The following NELL1 variants were observed in gnomAD, a reference collection of about 807,000 sequenced individuals.
The protein encoded by NELL1 is neural EGFL like 1.
NELL1 carries 76 observed loss-of-function variants against 107.4 expected under a neutral mutation model. That is an observed-to-expected ratio of 0.71 (90% CI 0.59 to 0.86). The LOEUF (loss-of-function observed/expected upper bound fraction) is 0.86. Ranked by LOEUF, NELL1 falls within the 40% of genes least tolerant of loss-of-function variation. The pLI, the probability that NELL1 is intolerant of heterozygous loss-of-function variation, is 0.00. For missense variants in NELL1, 1,024 were observed against 1,005.5 expected (o/e 1.02, Z -0.25); for synonymous variants, 353 against 341.2 (o/e 1.03, Z -0.38).
At chr11:21,517,756 T>A (rs1292716206) in intron 15 of NELL1, among the ~76,000 whole-genome samples, 2 of 152,144 alleles carry the variant, frequency 1.3e-5, no homozygotes, top group Non-Finnish European at 2.9e-5. Flanking sequence ...ATCCTTTAAG[T>A]CATTTCTGAT....
intron 5 of NELL1, among the ~76,000 whole-genome samples, chr11:20,903,980 T>C (rs1272139472): frequency 6.6e-6 from 1 of 152,166 alleles, no homozygotes; most frequent in Non-Finnish European, 1.5e-5. Flanking sequence ...TTTCAGCCCA[T>C]GTTCCTAGTG....
chr11:21,442,478 G>T (rs892382623), intron 15 of NELL1, among the ~76,000 whole-genome samples: 1 of 152,130 alleles, frequency 6.6e-6, no homozygotes, highest in Non-Finnish European at 1.5e-5. Context: ...TCAGCAGGAA[G>T]GAAGCCAGAC....
chr11:20,694,631 T>C (rs1264283351), intron 2 of NELL1, among the ~76,000 whole-genome samples: 1 of 152,114 alleles, frequency 6.6e-6, no homozygotes, highest in Non-Finnish European at 1.5e-5. Flanking sequence ...TATGTGCTTG[T>C]TTTTGTACTA....
chr11:21,566,036 A>G (rs1367318834), intron 17 of NELL1, among the ~76,000 whole-genome samples: 2 of 151,934 alleles, frequency 1.3e-5, no homozygotes, highest in South Asian at 2.1e-4. Context: ...TAAATATTTC[A>G]TGTTTTGTAG....
At chr11:21,381,683 C>A (rs1851611041) in intron 15 of NELL1, among the ~76,000 whole-genome samples, 1 of 151,904 alleles carries the variant, frequency 6.6e-6, no homozygotes, top group Non-Finnish European at 1.5e-5. Context: ...ATTCTTCTAT[C>A]AGTTCTTACA....
intron 15 of NELL1, among the ~76,000 whole-genome samples, chr11:21,526,577 T>A (rs1255526715): frequency 6.6e-6 from 1 of 152,216 alleles, no homozygotes; most frequent in Non-Finnish European, 1.5e-5. Context: ...GCTCTGCCCC[T>A]GTAGCAAATT....
intron 15 of NELL1, among the ~76,000 whole-genome samples, chr11:21,436,468 T>C (rs1853123951): frequency 6.6e-6 from 1 of 152,212 alleles, no homozygotes; most frequent in Admixed American, 6.5e-5. Context: ...TCATTTGTTT[T>C]TCTATAGTAT....
At chr11:20,844,174 A>C (rs998844343) in intron 3 of NELL1, among the ~76,000 whole-genome samples, 1 of 152,112 alleles carries the variant, frequency 6.6e-6, no homozygotes, top group Non-Finnish European at 1.5e-5. Context: ...TAAGTGGAAA[A>C]TTGATTCATT....
intron 15 of NELL1, among the ~76,000 whole-genome samples, chr11:21,519,080 C>G (rs548810672): frequency 1.3e-4 from 20 of 152,118 alleles, no homozygotes; most frequent in African/African-American, 4.6e-4. Flanking sequence ...TCTCTCTAGT[C>G]CTCACGTTCT....
rs776713451 is a variant in NELL1 at position 21,370,932 on chromosome 11, A to C, written c.1629A>C (p.Gly543=). Residue 543 remains glycine (G), a synonymous_variant, in exon 15 of 20, where the codon GGA becomes GGC. Coordinates refer to ENST00000357134, the MANE Select transcript of NELL1 (RefSeq NM_006157.5). ...NKCVCPSGFT[G]SHCEKDIDEC... is the part of the protein sequence containing the mutation. Reference sequence around the variant, plus strand: ...GTGTCTGTCCATCTGGATTCACAGGAAGCCACTGCGAGAAAGGTAATCTAG... The same window carrying C: ...GTGTCTGTCCATCTGGATTCACAGGCAGCCACTGCGAGAAAGGTAATCTAG... 6.2e-6 allele frequency: 10 copies of C among 1,610,940 alleles called. No individual in the cohort carries two copies. In the Admixed American group the frequency reaches 1.7e-4, roughly 27 times the overall value.
intron 13 of NELL1, among the ~76,000 whole-genome samples, chr11:21,122,475 A>G (rs953400792): frequency 9.9e-5 from 15 of 152,260 alleles, no homozygotes; most frequent in African/African-American, 2.9e-4. Context: ...CTATCTATCT[A>G]TCTATTTAAT....
intron 15 of NELL1, among the ~76,000 whole-genome samples, chr11:21,442,228 A>G (rs1853303087): frequency 6.6e-6 from 1 of 152,168 alleles, no homozygotes; most frequent in South Asian, 2.1e-4. Flanking sequence ...AGATTTACCT[A>G]AGATTAGCAA....
chr11:21,043,970 C>G (rs1243146277), intron 12 of NELL1, among the ~76,000 whole-genome samples: 1 of 152,102 alleles, frequency 6.6e-6, no homozygotes, highest in Non-Finnish European at 1.5e-5. Flanking sequence ...GAAGGTTGGA[C>G]ACATTAAGTC....
intron 14 of NELL1, among the ~76,000 whole-genome samples, chr11:21,334,544 C>G (rs1212900489): frequency 6.6e-6 from 1 of 151,864 alleles, no homozygotes; most frequent in Non-Finnish European, 1.5e-5. Context: ...TGTAAGAGAC[C>G]TGTCTCTGTC....
chr11:21,466,903 C>T (rs1247561681), intron 15 of NELL1, among the ~76,000 whole-genome samples: 3 of 151,498 alleles, frequency 2.0e-5, no homozygotes, highest in Non-Finnish European at 4.4e-5. Context: ...TCTCATATGA[C>T]GGATATGAAT....
At chr11:21,545,827 G>A (rs1176148722) in intron 16 of NELL1, among the ~76,000 whole-genome samples, 1 of 151,926 alleles carries the variant, frequency 6.6e-6, no homozygotes, top group Non-Finnish European at 1.5e-5. Context: ...CCTCAGACCA[G>A]CATCATGGGA....
chr11:21,342,415 G>GT (rs1450927270), intron 14 of NELL1, among the ~76,000 whole-genome samples: 2 of 148,628 alleles, frequency 1.3e-5, no homozygotes, highest in African/African-American at 2.5e-5. Flanking sequence ...CTTAAGTGGG[G>GT]GGGGGGGTCA....
At chr11:20,927,503 A>T in intron 8 of NELL1, 61 bp downstream of exon 8, 1 of 1,502,276 alleles carries the variant, frequency 6.7e-7, no homozygotes, top group East Asian at 2.3e-5. Flanking sequence ...TTTGATAATT[A>T]GAGTGTAACC....
At chr11:20,741,281 T>C (rs546797862) in intron 2 of NELL1, among the ~76,000 whole-genome samples, 52 of 152,192 alleles carry the variant, frequency 3.4e-4, no homozygotes, top group Non-Finnish European at 7.4e-5. Flanking sequence ...TTAATCCACG[T>C]CCCAAATACA....
Sources: gnomAD v4.1 joint callset for allele counts (sites outside exome capture counted in the v4.1 genomes callset) on GRCh38, gnomAD v4.1.1 for gene constraint, MANE v1.5 for transcripts, NCBI Gene and HGNC (gene_info 2026-07-23, HGNC 2026-07-21) for gene names.